NUP107: variants seen among roughly 807,000 people sequenced by gnomAD.
NUP107 encodes the protein nucleoporin 107.
A neutral mutation model predicts 141.0 loss-of-function variants in NUP107; 101 were observed. The observed-to-expected ratio is 0.72, with a 90% CI of 0.61 to 0.84. The LOEUF (loss-of-function observed/expected upper bound fraction) is 0.84. Ranked by LOEUF, NUP107 falls within the 40% of genes least tolerant of loss-of-function variation. NUP107 has a pLI of 0.00. For synonymous variants in NUP107, 319 were observed against 363.9 expected (o/e 0.88, Z 1.41); for missense variants, 941 against 1,102.7 (o/e 0.85, Z 2.08).
intron 14 of NUP107, 25 bp from the exon 15 acceptor site, chr12:68,721,093 T>G: frequency 6.8e-7 from 1 of 1,467,154 alleles, no homozygotes; most frequent in Non-Finnish European, 9.5e-7. Flanking sequence ...ATATTTCAAA[T>G]TTGTTTATAT....
At chr12:68,687,429 G>C (rs1565683407) in intron 1 of NUP107, 2 of 1,091,696 alleles carry the variant, frequency 1.8e-6, no homozygotes, top group Non-Finnish European at 2.2e-6. Context: ...AAGATACTGG[G>C]ATCTCAGCCC....
chr12:68,730,378 C>T (rs959776016), intron 20 of NUP107, among the ~76,000 whole-genome samples: 3 of 151,980 alleles, frequency 2.0e-5, no homozygotes, highest in Non-Finnish European at 2.9e-5. Flanking sequence ...GCCACCACGC[C>T]TGGCTAATTT....
At chr12:68,730,976 A>G in intron 20 of NUP107, 134 bp from the exon 21 acceptor site, 1 of 551,966 alleles carries the variant, frequency 1.8e-6, no homozygotes, top group Non-Finnish European at 2.9e-6. Context: ...TCAAACAAAT[A>G]AATATAAAAT....
At chr12:68,690,579 A>C in intron 3 of NUP107, 52 bp from the exon 4 acceptor site, 1 of 1,610,708 alleles carries the variant, frequency 6.2e-7, no homozygotes, top group Non-Finnish European at 8.5e-7. Context: ...CTTTGTTTTG[A>C]TAATGAATGC....
In NUP107 at chr12:68,732,026, A is replaced by G. The variant is rs1443777737; in HGVS notation, c.1998+307A>G. On this transcript the variant is annotated intron_variant, in intron 22 of 27. Coordinates refer to ENST00000229179, the MANE Select transcript of NUP107 (RefSeq NM_020401.4). ...TACTCATATTTTCAGAAAGGAATAGAAAGTTATATCTAAGAAAACTATTTT... is the reference window on the plus strand; with the variant it reads ...TACTCATATTTTCAGAAAGGAATAGGAAGTTATATCTAAGAAAACTATTTT... Among the ~76,000 whole-genome samples the G allele has an allele frequency of 5.9e-5, 9 of 152,362 alleles. No individual in the cohort carries two copies. The South Asian group carries it at 1.9e-3, about 32-fold the overall frequency.
At chr12:68,723,803 C>T (rs957809211) in intron 17 of NUP107, among the ~76,000 whole-genome samples, 11 of 152,226 alleles carry the variant, frequency 7.2e-5, no homozygotes, top group African/African-American at 2.6e-4. Context: ...TAAGGCTGAG[C>T]ATGTTTCCTT....
Position 68,742,673 on chromosome 12 carries a change from T to G in NUP107, c.*211T>G. ...AATAAAACTATATAAAAATTAAAAT[T>G]TTCTGTTTTTACAAATTCCAGGGTT... On this transcript the variant is annotated 3_prime_UTR_variant, in exon 28 of 28. Coordinates refer to ENST00000229179, the MANE Select transcript of NUP107 (RefSeq NM_020401.4). 2 of 254,812 alleles carry G rather than the reference T, an allele frequency of 7.8e-6. 1 individual carries two copies. Among genetic ancestry groups the G allele is most frequent in the Non-Finnish European group, 1.5e-5 (2 of 136,652 alleles). The allele number at this position is 254,812 out of a possible 1,614,324, so 15.8% of individuals were successfully genotyped here.
intron 18 of NUP107, among the ~76,000 whole-genome samples, chr12:68,726,078 TC>T (rs1877551992): frequency 6.6e-6 from 1 of 152,130 alleles, no homozygotes; most frequent in African/African-American, 2.4e-5. Context: ...CAGGTGATCT[TC>T]CCTCCCTGGC....
chr12:68,737,119 A>G (rs1878109190), intron 26 of NUP107, among the ~76,000 whole-genome samples: 1 of 152,242 alleles, frequency 6.6e-6, no homozygotes, highest in Non-Finnish European at 1.5e-5. Flanking sequence ...TCTCTTGAAG[A>G]TAAAATTTTA....
chr12:68,719,669 A>C lies in NUP107; in HGVS notation c.1251+15A>C, dbSNP rs1289823953. On this transcript the variant is annotated intron_variant, in intron 14 of 27. Coordinates refer to ENST00000229179, the MANE Select transcript of NUP107 (RefSeq NM_020401.4). ...TGGCAGAAGATGTAAGATAAATAAA[A>C]TATTCAGTGATACTGTTTTTAACTC... 6.5e-7 allele frequency: 1 copy of C among 1,533,254 alleles called. No individual in the cohort carries two copies. The highest frequency in any genetic ancestry group is 1.1e-5 in the South Asian group (1 of 89,252). The allele number at this position is 1,533,254 out of a possible 1,614,324, so 95.0% of individuals were successfully genotyped here.
At chr12:68,705,667 G>T in intron 8 of NUP107, 1 of 612,008 alleles carries the variant, frequency 1.6e-6, no homozygotes, top group Admixed American at 2.1e-5. Context: ...GTCCTTCAAG[G>T]TGTCCAACTC....
intron 8 of NUP107, among the ~76,000 whole-genome samples, chr12:68,708,651 A>G (rs1388902979): frequency 6.6e-6 from 1 of 150,642 alleles, no homozygotes; most frequent in Non-Finnish European, 1.5e-5. Context: ...ATGGAGTCTC[A>G]CTCTGTCACC....
chr12:68,709,351 A>ACATGC, intron 9 of NUP107, 42 bp downstream of exon 9: 1 of 1,224,160 alleles, frequency 8.2e-7, no homozygotes, highest in South Asian at 1.3e-5. Context: ...AAACATGGAG[A>ACATGC]AAAGGTTAAT....
intron 8 of NUP107, chr12:68,706,860 C>T (rs752227085): frequency 1.7e-5 from 13 of 756,868 alleles, no homozygotes; most frequent in South Asian, 2.7e-5. Context: ...AGTATCCATA[C>T]GAAGACCACC....
At chr12:68,709,954 A>C in intron 9 of NUP107, 51 bp from the exon 10 acceptor site, 1 of 1,071,616 alleles carries the variant, frequency 9.3e-7, no homozygotes, top group Non-Finnish European at 1.4e-6. Flanking sequence ...CAAATAAAAC[A>C]CAAATAGATT....
chr12:68,724,197 C>A (rs1385530618), intron 17 of NUP107, among the ~76,000 whole-genome samples: 1 of 151,324 alleles, frequency 6.6e-6, no homozygotes, highest in East Asian at 1.9e-4. Context: ...GGATTTAGTA[C>A]CCCCTCCCCA....
Position 68,719,441 on chromosome 12 carries a change from T to C in NUP107, c.1174+10T>C. 1.2e-6 allele frequency: 2 copies of C among 1,610,200 alleles called. No homozygotes were observed. Among genetic ancestry groups the C allele is most frequent in the South Asian group, 1.1e-5 (1 of 90,934 alleles). On this transcript the variant is annotated intron_variant, in intron 13 of 27. Coordinates refer to ENST00000229179, the MANE Select transcript of NUP107 (RefSeq NM_020401.4). ...CCTAATGTTAATGGAGGTATTTTAG[T>C]AGATTTTATTCTGACAGTTGAGGAC...
At chr12:68,708,294 AT>A (rs1449264173) in intron 8 of NUP107, among the ~76,000 whole-genome samples, 1 of 152,066 alleles carries the variant, frequency 6.6e-6, no homozygotes, top group Non-Finnish European at 1.5e-5. Context: ...GCAAGGTAAA[AT>A]TTATGAAGAT....
chr12:68,730,306 C>A (rs1877767772), intron 20 of NUP107, among the ~76,000 whole-genome samples: 1 of 146,948 alleles, frequency 6.8e-6, no homozygotes, highest in South Asian at 2.1e-4. Flanking sequence ...CTGCAACCCA[C>A]CTCCCAAGTT....
Sources: gnomAD v4.1 joint callset for allele counts (sites outside exome capture counted in the v4.1 genomes callset) on GRCh38, gnomAD v4.1.1 for gene constraint, MANE v1.5 for transcripts, NCBI Gene and HGNC (gene_info 2026-07-23, HGNC 2026-07-21) for gene names.